Variants in EXOSC7 observed in about 807,000 individuals in gnomAD.
The protein encoded by EXOSC7 is exosome complex component RRP42.
In EXOSC7, 25 loss-of-function variants were observed where a neutral mutation model predicts 34.3. That is an observed-to-expected ratio of 0.73 (90% CI 0.53 to 1.02). EXOSC7 has a LOEUF of 1.02. Among genes scored for constraint, EXOSC7 ranks in the 50% least tolerant of loss-of-function variants. The pLI is 0.00. For missense variants in EXOSC7, 370 were observed against 368.5 expected (o/e 1.00, Z -0.03); for synonymous variants, 130 against 143.0 (o/e 0.91, Z 0.65).
chr3:44,978,744 G>A (rs1706192133), intron 1 of EXOSC7, among the ~76,000 whole-genome samples: 1 of 152,166 alleles, frequency 6.6e-6, no homozygotes, highest in African/African-American at 2.4e-5. Context: ...CCCAAGGGGT[G>A]GGCTGGGGGA....
chr3:44,982,352 T>C (rs6782800), intron 1 of EXOSC7, among the ~76,000 whole-genome samples: 10,716 of 152,314 alleles, frequency 0.07, 475 homozygotes, highest in Middle Eastern at 0.18. Context: ...GTGACTGTTA[T>C]GTGGCCTTTA....
At chr3:44,994,279 T>C (rs567758792) in intron 3 of EXOSC7, among the ~76,000 whole-genome samples, 1 of 150,864 alleles carries the variant, frequency 6.6e-6, no homozygotes, top group African/African-American at 2.4e-5. Flanking sequence ...GTCTCCCTTC[T>C]TGTAAAATGA....
intron 1 of EXOSC7, chr3:44,977,240 T>G (rs1216474147): frequency 6.6e-6 from 1 of 152,300 alleles, no homozygotes; most frequent in Non-Finnish European, 1.5e-5. Flanking sequence ...TCTCCACTTG[T>G]TAACCTACGG....
Position 45,006,526 on chromosome 3 carries a change from C to T in EXOSC7, c.616-894C>T, listed in dbSNP as rs556998269. On this transcript the variant is annotated intron_variant, in intron 6 of 7. Coordinates refer to ENST00000265564, the MANE Select transcript of EXOSC7 (RefSeq NM_015004.4). ...CCGCTTCCTGGGTTCACGCCATTCT[C>T]CTGCCTCAGCCTCCCGAGTAGCTGG... is the stretch of plus-strand genomic sequence containing the variant. 1.6e-4 allele frequency among the ~76,000 whole-genome samples: 24 copies of T among 147,926 alleles called. No homozygotes were observed. The South Asian group carries it at 4.8e-3, about 30-fold the overall frequency.
At chr3:44,992,273 A>G (rs1422359500) in intron 3 of EXOSC7, among the ~76,000 whole-genome samples, 1 of 152,086 alleles carries the variant, frequency 6.6e-6, no homozygotes, top group East Asian at 1.9e-4. Context: ...ATTGGTGGTG[A>G]TGGTGGTGGT....
In EXOSC7 at chr3:44,982,859, G is replaced by A. The variant is rs564245968; in HGVS notation, c.58-6281G>A. Reference sequence around the variant, plus strand: ...AGAGGAATGCCTGGCTACTCAACAGGGTTGGAAAGTCAAACAAGGATCAAC... The same window carrying A: ...AGAGGAATGCCTGGCTACTCAACAGAGTTGGAAAGTCAAACAAGGATCAAC... On this transcript the variant is annotated intron_variant, in intron 1 of 7. Coordinates refer to ENST00000265564, the MANE Select transcript of EXOSC7 (RefSeq NM_015004.4). Among the ~76,000 whole-genome samples, 18 of 152,310 alleles carry A rather than the reference G, an allele frequency of 1.2e-4. No individual in the cohort carries two copies. The East Asian group carries it at 3.3e-3, about 28-fold the overall frequency.
intron 5 of EXOSC7, chr3:45,004,756 CTTTTTTTTGT>C (rs1190692694): frequency 6.6e-6 from 1 of 151,236 alleles, no homozygotes; most frequent in Non-Finnish European, 1.5e-5. Context: ...GTTGGGCTGT[CTTTTTTTTGT>C]TTAATAGGAA....
chr3:44,986,427 C>T (rs943450052), intron 1 of EXOSC7, among the ~76,000 whole-genome samples: 12 of 152,226 alleles, frequency 7.9e-5, no homozygotes, highest in East Asian at 1.9e-4. Context: ...ACCCAGAACT[C>T]GCGCTGGCCC....
chr3:45,000,143 G>A (rs966868522), intron 4 of EXOSC7, among the ~76,000 whole-genome samples: 3 of 152,244 alleles, frequency 2.0e-5, no homozygotes, highest in African/African-American at 7.2e-5. Context: ...GTTCTCTAAT[G>A]GCATCAGTTT....
chr3:45,011,400 A>G lies in EXOSC7; in HGVS notation c.*61A>G, dbSNP rs574488353. On this transcript the variant is annotated 3_prime_UTR_variant, in exon 8 of 8. Transcript: ENST00000265564. The stretch of plus-strand genomic sequence containing the variant: ...TACTTTTCCTTTTAAACCGGTTCGT[A>G]TATATTTTTCTTCGCTGTTACGAAT... 6.1e-5 allele frequency: 66 copies of G among 1,087,814 alleles called. No individual in the cohort carries two copies. In the Admixed American group the frequency reaches 1.2e-3, roughly 19 times the overall value. 67.4% of individuals were successfully genotyped at this position (1,087,814 alleles called of 1,614,324 possible). A position where few individuals can be genotyped will look rare whatever the true frequency, so the allele number is the denominator to read the frequency against.
chr3:45,005,543 C>T (rs1707011845), intron 6 of EXOSC7, 129 bp downstream of exon 6: 1 of 839,770 alleles, frequency 1.2e-6, no homozygotes, highest in Non-Finnish European at 1.8e-6. Flanking sequence ...AGCTTTTACC[C>T]AAATCCAATA....
intron 3 of EXOSC7, among the ~76,000 whole-genome samples, chr3:44,995,006 C>T (rs577389527): frequency 4.6e-5 from 7 of 151,918 alleles, no homozygotes; most frequent in South Asian, 2.1e-4. Context: ...TATTTTGAGA[C>T]GGAGTTTCAC....
intron 1 of EXOSC7, chr3:44,977,073 G>A (rs1706082832): frequency 6.6e-6 from 1 of 152,234 alleles, no homozygotes; most frequent in African/African-American, 2.4e-5. Flanking sequence ...CCTAAGTGCT[G>A]TTTCCATTTT....
intron 6 of EXOSC7, 128 bp downstream of exon 6, chr3:45,005,542 C>T: frequency 1.2e-6 from 1 of 854,894 alleles, no homozygotes; most frequent in African/African-American, 1.7e-5. Context: ...TAGCTTTTAC[C>T]CAAATCCAAT....
intron 6 of EXOSC7, among the ~76,000 whole-genome samples, chr3:45,006,068 C>CTTTTTTTT (rs34869939): frequency 2.1e-5 from 1 of 47,298 alleles, no homozygotes; most frequent in African/African-American, 8.4e-5. Flanking sequence ...TGGGTCTTGG[C>CTTTTTTTT]TTTTTTTTTT....
rs557489049 is a variant in EXOSC7, at chr3:45,005,371, G to A, written c.572G>A (p.Arg191Gln). The A allele has an allele frequency of 9.2e-5, 149 of 1,614,092 alleles. No individual in the cohort carries two copies. The highest frequency in any genetic ancestry group is 6.5e-4 in the East Asian group (29 of 44,884). Residue 191 changes from arginine to glutamine, a missense_variant, in exon 6 of 8, where the codon CGA becomes CAA. Physicochemically the swap from Arg to Gln is conservative, Grantham distance 43 (BLOSUM62 1). Transcript: ENST00000265564. The stretch of plus-strand genomic sequence containing the variant: ...TCAGATGACCCTTATGACTGCATAC[G>A]ACTAAGTGTGGAGAATGTCCCCTGC... ...ELSDDPYDCIRLSVENVPCIV... is the reference protein window; with the variant it reads ...ELSDDPYDCIQLSVENVPCIV...
intron 6 of EXOSC7, among the ~76,000 whole-genome samples, chr3:45,006,977 A>T (rs1047655307): frequency 1.3e-5 from 2 of 151,300 alleles, no homozygotes; most frequent in African/African-American, 4.9e-5. Flanking sequence ...CATTTTCCTC[A>T]GCTTCCCAAA....
intron 1 of EXOSC7, chr3:44,977,446 T>C (rs1312498195): frequency 6.6e-6 from 1 of 152,204 alleles, no homozygotes; most frequent in Non-Finnish European, 1.5e-5. Context: ...CATTTAAAAA[T>C]CGTGACCTGC....
At chr3:44,987,368 A>AG (rs1324857943) in intron 1 of EXOSC7, among the ~76,000 whole-genome samples, 3 of 152,260 alleles carry the variant, frequency 2.0e-5, no homozygotes, top group Admixed American at 2.0e-4. Context: ...TAAGTAATTA[A>AG]AAGTAACCAT....
Sources: gnomAD v4.1 joint callset for allele counts (sites outside exome capture counted in the v4.1 genomes callset) on GRCh38, gnomAD v4.1.1 for gene constraint, MANE v1.5 for transcripts, NCBI Gene and HGNC (gene_info 2026-07-23, HGNC 2026-07-21) for gene names.